Variants in RAG1 observed in about 807,000 individuals in gnomAD.
RAG1 encodes the protein recombination activating 1, also known as V(D)J recombination-activating protein 1.
RAG1 carries 35 observed loss-of-function variants against 62.7 expected under a neutral mutation model. The ratio of observed to expected loss-of-function variants is 0.56; its 90% confidence interval spans 0.43 to 0.74. The LOEUF (loss-of-function observed/expected upper bound fraction) is 0.74, where lower values mean the gene tolerates loss of function less well. Ranked by LOEUF, RAG1 falls within the 30% of genes least tolerant of loss-of-function variation. The pLI, the probability that RAG1 is intolerant of heterozygous loss-of-function variation, is 0.00. For synonymous variants in RAG1, 461 were observed against 470.3 expected (o/e 0.98, Z 0.26); for missense variants, 1,169 against 1,278.6 (o/e 0.91, Z 1.31).
At chr11:36,524,032 A>G (rs1590663794) in intron 2 of RAG1, among the ~76,000 whole-genome samples, 1 of 152,180 alleles carries the variant, frequency 6.6e-6, no homozygotes, top group East Asian at 1.9e-4. Flanking sequence ...TACTTTTATC[A>G]TTTCAAGAAT....
rs4151045 is a variant in RAG1, at chr11:36,578,682, T to C, written c.*2246T>C. 12,384 of 167,172 alleles carry C rather than the reference T, an allele frequency of 0.074. 507 individuals are homozygous for C. The highest frequency in any genetic ancestry group is 0.081 in the Middle Eastern group (24 of 296). 10.4% of individuals were successfully genotyped at this position (167,172 alleles called of 1,614,324 possible). On this transcript the variant is annotated 3_prime_UTR_variant, in exon 2 of 2. Coordinates refer to ENST00000299440, the MANE Select transcript of RAG1 (RefSeq NM_000448.3). ...CCAATAATCCCTTAATCAGATCACA[T>C]TTTGATAAACCCTGGGAACATCTGG...
intron 1 of RAG1, among the ~76,000 whole-genome samples, chr11:36,513,751 G>C (rs533136158): frequency 1.3e-4 from 20 of 152,246 alleles, no homozygotes; most frequent in Admixed American, 2.6e-4. Context: ...AGACAAGAGA[G>C]AGAATGAGAT....
intron 3 of RAG1, among the ~76,000 whole-genome samples, chr11:36,548,520 C>T (rs769253093): frequency 2.6e-5 from 4 of 152,068 alleles, no homozygotes; most frequent in Non-Finnish European, 5.9e-5. Context: ...CTCCCATTCA[C>T]AATTGCTACA....
chr11:36,534,137 T>C (rs1485690505), intron 2 of RAG1, among the ~76,000 whole-genome samples: 1 of 152,160 alleles, frequency 6.6e-6, no homozygotes, highest in Non-Finnish European at 1.5e-5. Flanking sequence ...AATTATTCCA[T>C]AATTGCTCTC....
At position 36,549,342 on chromosome 11, in the gene RAG1, T is replaced by C. The variant is rs189729724; in HGVS notation, c.-412+13308T>C. 3.5e-3 allele frequency among the ~76,000 whole-genome samples: 533 copies of C among 152,076 alleles called. 29 individuals carry two copies. The East Asian group carries it at 0.09, about 26-fold the overall frequency. The stretch of plus-strand genomic sequence containing the variant: ...ATCATCAGAGTGAACAGGCAACCTA[T>C]GGAATGGGAGAAAATGTTTGCAATC... On this transcript the variant is annotated intron_variant and NMD_transcript_variant, in intron 3 of 9. Transcript: ENST00000534663.
intron 2 of RAG1, among the ~76,000 whole-genome samples, chr11:36,531,451 GT>G (rs1220319858): frequency 3.3e-5 from 5 of 151,314 alleles, no homozygotes; most frequent in Non-Finnish European, 7.4e-5. Context: ...CCATTTTGAT[GT>G]TTTATATAGT....
At chr11:36,518,142 A>C (rs146028626) in intron 1 of RAG1, among the ~76,000 whole-genome samples, 15,232 of 151,624 alleles carry the variant, frequency 0.1, 823 homozygotes, top group Non-Finnish European at 0.11. Context: ...TTCCAGTTTC[A>C]TCCATTTCCC....
chr11:36,544,100 T>C (rs1366934948), intron 3 of RAG1, among the ~76,000 whole-genome samples: 1 of 152,216 alleles, frequency 6.6e-6, no homozygotes, highest in Admixed American at 6.5e-5. Context: ...GCCACTTTTT[T>C]AGGGTAGGTA....
intron 1 of RAG1, among the ~76,000 whole-genome samples, chr11:36,512,515 TA>T (rs1473430074): frequency 6.6e-6 from 1 of 152,250 alleles, no homozygotes; most frequent in African/African-American, 2.4e-5. Context: ...GCCAAAGTTC[TA>T]CTCCTGCTTC....
At chr11:36,570,792 A>G (rs892399268) in intron 1 of RAG1, among the ~76,000 whole-genome samples, 1 of 152,204 alleles carries the variant, frequency 6.6e-6, no homozygotes, top group Non-Finnish European at 1.5e-5. Flanking sequence ...GCACCTTTTC[A>G]TATACCTGTT....
rs757001983 is a variant in RAG1, at chr11:36,574,377, G to T, written c.1073G>T (p.Cys358Phe). 3.1e-6 allele frequency: 5 copies of T among 1,614,210 alleles called. No individual in the cohort carries two copies. The highest frequency in any genetic ancestry group is 1.7e-5 in the Admixed American group (1 of 60,030). ...GTCTTGAATTCCCTGATGGTGAAAT[G>T]TCCAGCAAAAGAGTGCAATGAGGAG... is the stretch of plus-strand genomic sequence containing the variant. ...LSVLNSLMVK[C>F]PAKECNEEVS... Residue 358 changes from cysteine (C) to phenylalanine (F), a missense_variant, in exon 2 of 2, where the codon TGT (cysteine) becomes TTT (phenylalanine). Around this residue, in one of 2 missense-constraint regions of RAG1, gnomAD observed 800 missense variants for 943.3 expected, o/e 0.85. Transcript: ENST00000299440.
intron 1 of RAG1, among the ~76,000 whole-genome samples, chr11:36,514,624 G>A (rs538479083): frequency 6.6e-6 from 1 of 152,202 alleles, no homozygotes; most frequent in African/African-American, 2.4e-5. Context: ...CCATCTGGGG[G>A]TGATGAGAGA....
chr11:36,539,642 G>A (rs901546417), downstream of RAG1, among the ~76,000 whole-genome samples: 3 of 152,070 alleles, frequency 2.0e-5, no homozygotes, highest in African/African-American at 4.8e-5. Context: ...CTGCCACCAC[G>A]CCTGGCGATA....
chr11:36,568,712 G>A (rs1364462017), intron 1 of RAG1, among the ~76,000 whole-genome samples: 1 of 152,132 alleles, frequency 6.6e-6, no homozygotes, highest in Non-Finnish European at 1.5e-5. Context: ...ATTCTGATTT[G>A]TATTAATTTT....
chr11:36,535,410 T>C (rs1240252713), intron 2 of RAG1, among the ~76,000 whole-genome samples: 2 of 152,168 alleles, frequency 1.3e-5, no homozygotes, highest in Non-Finnish European at 2.9e-5. Flanking sequence ...GTCTGAGATA[T>C]ATCTATTTCA....
chr11:36,551,620 A>G (rs1360018858), intron 3 of RAG1, among the ~76,000 whole-genome samples: 2 of 62,918 alleles, frequency 3.2e-5, no homozygotes, highest in African/African-American at 1.2e-4. Flanking sequence ...TTTTTTTTTT[A>G]TTATACTCTA....
upstream of RAG1, among the ~76,000 whole-genome samples, chr11:36,565,468 AG>A (rs1264583004): frequency 6.6e-6 from 1 of 152,206 alleles, no homozygotes; most frequent in Non-Finnish European, 1.5e-5. Context: ...CGGCACTTCA[AG>A]GACTAACCAC....
intron 3 of RAG1, among the ~76,000 whole-genome samples, chr11:36,551,349 T>C (rs1850478486): frequency 6.6e-6 from 1 of 152,092 alleles, no homozygotes; most frequent in South Asian, 2.1e-4. Context: ...CATAACAAAG[T>C]ATCATAGAGT....
intron 1 of RAG1, among the ~76,000 whole-genome samples, chr11:36,571,270 A>C (rs1308492112): frequency 6.6e-6 from 1 of 152,182 alleles, no homozygotes; most frequent in African/African-American, 2.4e-5. Flanking sequence ...AATTACTCAA[A>C]ATATTGTCTT....
Sources: gnomAD v4.1 joint callset for allele counts (sites outside exome capture counted in the v4.1 genomes callset) on GRCh38, gnomAD v4.1.1 for gene constraint, gnomAD v4.1.1 regional missense constraint, MANE v1.5 for transcripts, NCBI Gene and HGNC (gene_info 2026-07-23, HGNC 2026-07-21) for gene names.